The following LRP1B variants were observed in gnomAD, a reference collection of about 807,000 sequenced individuals.
LRP1B encodes the protein low-density lipoprotein receptor-related protein 1B.
A neutral mutation model predicts 556.6 loss-of-function variants in LRP1B; 217 were observed. The observed-to-expected ratio is 0.39, with a 90% CI of 0.35 to 0.44. The LOEUF is 0.44. LRP1B is among the 20% of genes least tolerant of loss of function. LRP1B has a pLI of 1.00. For synonymous variants in LRP1B, 2,047 were observed against 1,865.8 expected, an observed-to-expected ratio of 1.10 and a Z score of -2.50; for missense variants, 5,053 against 5,620.8, an observed-to-expected ratio of 0.90 and a Z score of 3.23.
chr2:141,758,606 AT>A (rs904175352), intron 2 of LRP1B, among the ~76,000 whole-genome samples: 10 of 152,074 alleles, frequency 6.6e-5, no homozygotes, highest in African/African-American at 2.4e-4. Context: ...CAAGGTATGT[AT>A]TTACTTAGAG....
intron 2 of LRP1B, among the ~76,000 whole-genome samples, chr2:141,636,683 G>A (rs748018087): frequency 9.9e-5 from 15 of 151,876 alleles, no homozygotes; most frequent in Admixed American, 6.6e-5. Flanking sequence ...CTCAACTAAA[G>A]GTCCTACAGT....
chr2:140,928,428 G>C (rs1694948589), intron 20 of LRP1B, among the ~76,000 whole-genome samples: 1 of 152,054 alleles, frequency 6.6e-6, no homozygotes, highest in Non-Finnish European at 1.5e-5. Context: ...TATCCCTGTG[G>C]TGGTCATTCA....
intron 3 of LRP1B, among the ~76,000 whole-genome samples, chr2:141,270,659 T>C (rs1418984289): frequency 6.6e-6 from 1 of 152,018 alleles, no homozygotes; most frequent in Non-Finnish European, 1.5e-5. Context: ...CTAAAAGTCA[T>C]TACCATTAAT....
intron 35 of LRP1B, among the ~76,000 whole-genome samples, chr2:140,742,801 G>A (rs759172152): frequency 2.9e-4 from 44 of 152,008 alleles, no homozygotes; most frequent in Non-Finnish European, 2.6e-4. Context: ...ATGTTATTAA[G>A]TATGAACTTT....
chr2:141,569,110 A>G (rs1447807657), intron 2 of LRP1B, among the ~76,000 whole-genome samples: 1 of 151,050 alleles, frequency 6.6e-6, no homozygotes, highest in Admixed American at 6.6e-5. Flanking sequence ...GCACTATGCT[A>G]TCTAATTGGA....
At chr2:140,688,808 C>T (rs569476159) in intron 41 of LRP1B, among the ~76,000 whole-genome samples, 1 of 152,298 alleles carries the variant, frequency 6.6e-6, no homozygotes, top group African/African-American at 2.4e-5. Context: ...GACTTGTGGC[C>T]TGGTTACTCA....
At chr2:141,535,897 C>A (rs1424657878) in intron 2 of LRP1B, among the ~76,000 whole-genome samples, 6 of 152,084 alleles carry the variant, frequency 3.9e-5, no homozygotes, top group Non-Finnish European at 7.4e-5. Flanking sequence ...GCTTCTATAT[C>A]TGCAATTATT....
chr2:140,242,295 C>A (rs1680980934), intron 87 of LRP1B, among the ~76,000 whole-genome samples: 1 of 151,070 alleles, frequency 6.6e-6, no homozygotes, highest in Non-Finnish European at 1.5e-5. Flanking sequence ...ATGAACAAAA[C>A]ACATGTTCTC....
intron 3 of LRP1B, among the ~76,000 whole-genome samples, chr2:141,442,724 C>A (rs1406703323): frequency 1.3e-5 from 2 of 152,090 alleles, no homozygotes; most frequent in South Asian, 2.1e-4. Flanking sequence ...ATGATGGTTT[C>A]CAGCTTCGTC....
intron 66 of LRP1B, among the ~76,000 whole-genome samples, chr2:140,395,005 C>T (rs1194901620): frequency 2.0e-5 from 3 of 152,100 alleles, no homozygotes; most frequent in African/African-American, 7.2e-5. Context: ...AAATTCTGCC[C>T]CACATCTACT....
chr2:141,600,714 C>A (rs191892710), intron 2 of LRP1B, among the ~76,000 whole-genome samples: 14 of 152,246 alleles, frequency 9.2e-5, no homozygotes, highest in African/African-American at 2.9e-4. Flanking sequence ...TCATTGGATT[C>A]TTTTCCTCAT....
At chr2:140,493,505 C>T (rs1020786675) in intron 56 of LRP1B, among the ~76,000 whole-genome samples, 2 of 151,902 alleles carry the variant, frequency 1.3e-5, no homozygotes, top group Non-Finnish European at 2.9e-5. Context: ...GATAATTTGA[C>T]GTCAATTTGA....
chr2:141,391,123 A>G (rs899324313), intron 3 of LRP1B, among the ~76,000 whole-genome samples: 1 of 152,166 alleles, frequency 6.6e-6, no homozygotes, highest in Non-Finnish European at 1.5e-5. Context: ...TGAATGTTTA[A>G]GATGGTATTA....
chr2:141,314,722 CAG>C (rs72318503), intron 3 of LRP1B, among the ~76,000 whole-genome samples: 23,402 of 148,742 alleles, frequency 0.16, 1,892 homozygotes, highest in South Asian at 0.25. Flanking sequence ...ACCCGGGAGA[CAG>C]AGTTTGCAGT....
At chr2:140,286,484 C>T (rs1435879526) in intron 84 of LRP1B, among the ~76,000 whole-genome samples, 2 of 151,782 alleles carry the variant, frequency 1.3e-5, no homozygotes, top group African/African-American at 4.8e-5. Flanking sequence ...AACTATTGGC[C>T]ACTCTAGACA....
chr2:140,728,012 A>T (rs1318889233), intron 35 of LRP1B, among the ~76,000 whole-genome samples: 3 of 152,172 alleles, frequency 2.0e-5, no homozygotes, highest in Non-Finnish European at 2.9e-5. Flanking sequence ...AAGATTTTAG[A>T]TATCTTAATC....
intron 11 of LRP1B, among the ~76,000 whole-genome samples, chr2:141,026,127 T>C (rs1411844781): frequency 6.6e-6 from 1 of 152,058 alleles, no homozygotes; most frequent in African/African-American, 2.4e-5. Flanking sequence ...ATATCACACC[T>C]ATTCTCGAAT....
chr2:141,251,697 G>C (rs1684267051), intron 4 of LRP1B, among the ~76,000 whole-genome samples: 1 of 152,080 alleles, frequency 6.6e-6, no homozygotes, highest in South Asian at 2.1e-4. Flanking sequence ...CTTCTGAAAT[G>C]ACAGCAAAAC....
intron 37 of LRP1B, among the ~76,000 whole-genome samples, chr2:140,704,367 G>A (rs1271025663): frequency 6.6e-6 from 1 of 151,894 alleles, no homozygotes; most frequent in Admixed American, 6.6e-5. Context: ...AATAAACATT[G>A]TAGAGTTTTA....
Sources: gnomAD v4.1 joint callset for allele counts (sites outside exome capture counted in the v4.1 genomes callset) on GRCh38, gnomAD v4.1.1 for gene constraint, MANE v1.5 for transcripts, NCBI Gene and HGNC (gene_info 2026-07-23, HGNC 2026-07-21) for gene names.